HMGCLL1: variants seen among roughly 807,000 people sequenced by gnomAD.
HMGCLL1 encodes 3-hydroxy-3-methylglutaryl-CoA lyase like 1.
A neutral mutation model predicts 39.1 loss-of-function variants in HMGCLL1; 36 were observed. The observed-to-expected ratio is 0.92, with a 90% CI of 0.71 to 1.22. The LOEUF (loss-of-function observed/expected upper bound fraction) is 1.22, where lower values mean the gene tolerates loss of function less well. HMGCLL1 is among the 50% of genes most tolerant of loss of function. The pLI is 0.00. For missense variants in HMGCLL1, 451 were observed against 416.5 expected (o/e 1.08, Z -0.72); for synonymous variants, 149 against 144.0 (o/e 1.03, Z -0.25).
At chr6:55,541,864 T>G (rs1769458534) in intron 2 of HMGCLL1, 28 bp from the exon 3 acceptor site, 1 of 1,291,474 alleles carries the variant, frequency 7.7e-7, no homozygotes, top group Non-Finnish European at 1.1e-6. Flanking sequence ...ATTTTATAAG[T>G]AAATTGTATA....
upstream of HMGCLL1, among the ~76,000 whole-genome samples, chr6:55,581,725 T>C (rs1771990296): frequency 1.3e-5 from 2 of 152,154 alleles, no homozygotes; most frequent in Non-Finnish European, 2.9e-5. Context: ...AAGAAACCAG[T>C]TGTTAAAAAC....
intron 1 of HMGCLL1, among the ~76,000 whole-genome samples, chr6:55,542,417 C>T (rs1341865420): frequency 6.6e-6 from 1 of 151,674 alleles, no homozygotes; most frequent in Non-Finnish European, 1.5e-5. Flanking sequence ...TTACTCAGGA[C>T]CTAAAGATCA....
At chr6:55,606,797 C>T in the HMGCLL1 span, among the ~76,000 whole-genome samples, 2 of 151,910 alleles carry the variant, frequency 1.3e-5, no homozygotes, top group South Asian at 2.1e-4. Context: ...TTGGGTGAGG[C>T]GATTATCCTG....
At chr6:55,599,784 A>C in the HMGCLL1 span, among the ~76,000 whole-genome samples, 1 of 152,204 alleles carries the variant, frequency 6.6e-6, no homozygotes, top group Non-Finnish European at 1.5e-5. Flanking sequence ...AAGAAACAAT[A>C]GAAAATTTTG....
chr6:55,460,159 T>C (rs970895596), intron 7 of HMGCLL1, among the ~76,000 whole-genome samples: 9 of 151,970 alleles, frequency 5.9e-5, no homozygotes, highest in African/African-American at 1.7e-4. Context: ...CTCTGTAATA[T>C]ATAGCTGTGT....
intron 3 of HMGCLL1, among the ~76,000 whole-genome samples, chr6:55,522,373 A>G (rs913987227): frequency 5.9e-5 from 9 of 151,990 alleles, no homozygotes; most frequent in African/African-American, 2.2e-4. Flanking sequence ...AATACCTATC[A>G]CCCTTTACTT....
rs531671022 is a variant in HMGCLL1 at position 55,496,116 on chromosome 6, A to T, written c.607-509T>A. 2.6e-5 allele frequency among the ~76,000 whole-genome samples: 4 copies of T among 152,236 alleles called. No individual in the cohort carries two copies. The South Asian group carries it at 8.3e-4, about 32-fold the overall frequency. On this transcript the variant is annotated intron_variant, in intron 6 of 8. Transcript: ENST00000274901. ...ACACAAGTTTGAACTCTATGGATCC[A>T]CTTGTACGTGATTTTTTAAAAAATA... is the stretch of plus-strand genomic sequence containing the variant.
At chr6:55,654,384 T>A in the HMGCLL1 span, among the ~76,000 whole-genome samples, 1 of 151,450 alleles carries the variant, frequency 6.6e-6, no homozygotes, top group Non-Finnish European at 1.5e-5. Flanking sequence ...ATTGACTCAA[T>A]AAGGACTTGA....
At chr6:55,666,117 G>A in the HMGCLL1 span, among the ~76,000 whole-genome samples, 2 of 151,618 alleles carry the variant, frequency 1.3e-5, no homozygotes, top group Admixed American at 1.3e-4. Flanking sequence ...CTACAGGAAT[G>A]TACTTCTATA....
At chr6:55,496,938 T>G (rs1766612180) in intron 6 of HMGCLL1, among the ~76,000 whole-genome samples, 1 of 152,132 alleles carries the variant, frequency 6.6e-6, no homozygotes, top group South Asian at 2.1e-4. Flanking sequence ...GTCCCTAACC[T>G]CCAAATTGTT....
intron 7 of HMGCLL1, among the ~76,000 whole-genome samples, chr6:55,454,987 G>A (rs115071697): frequency 0.024 from 3,475 of 144,052 alleles, 124 homozygotes; most frequent in African/African-American, 0.088. Flanking sequence ...GCTCAGGTCT[G>A]TGTTCCCAGC....
In HMGCLL1 at chr6:55,467,783, C is replaced by T. The variant is rs150228846; in HGVS notation, c.795+27636G>A. On this transcript the variant is annotated intron_variant, in intron 7 of 8. Coordinates refer to ENST00000274901, the MANE Select transcript of HMGCLL1 (RefSeq NM_001042406.2). ...TAAAGCATATGCTACATGCTAGGCCCGGTGGTAGAGGCTACGATCAACTGT... is the reference window on the plus strand; with the variant it reads ...TAAAGCATATGCTACATGCTAGGCCTGGTGGTAGAGGCTACGATCAACTGT... 7.2e-3 allele frequency among the ~76,000 whole-genome samples: 1,099 copies of T among 151,972 alleles called. 7 individuals carry two copies. Among genetic ancestry groups the T allele is most frequent in the African/African-American group, 0.019 (789 of 41,460 alleles).
the HMGCLL1 span, among the ~76,000 whole-genome samples, chr6:55,664,509 T>C: frequency 6.6e-6 from 1 of 151,766 alleles, no homozygotes; most frequent in Admixed American, 6.6e-5. Flanking sequence ...TGTGCCTTAG[T>C]AAAAATGTTA....
At chr6:55,546,792 C>T (rs1019547167) in intron 1 of HMGCLL1, among the ~76,000 whole-genome samples, 2 of 152,008 alleles carry the variant, frequency 1.3e-5, no homozygotes, top group African/African-American at 4.8e-5. Context: ...ATTTAATGTC[C>T]TACATTACAG....
rs1763311308 is a variant in HMGCLL1, at chr6:55,434,955, C to T, written c.*707G>A. The T allele has an allele frequency of 6.6e-6, 1 of 152,348 alleles. No homozygotes were observed. 9.4% of individuals were successfully genotyped at this position (152,348 alleles called of 1,614,324 possible). A position where few individuals can be genotyped will look rare whatever the true frequency, so the allele number is the denominator to read the frequency against. ...ACAATTTCTCAATAGTTGAGTAACA[C>T]CATGCTGGTTTTTACTATAACTGAT... On this transcript the variant is annotated 3_prime_UTR_variant, in exon 9 of 9. Transcript: ENST00000274901.
chr6:55,517,428 A>C (rs1319465693), intron 3 of HMGCLL1, among the ~76,000 whole-genome samples: 1 of 152,064 alleles, frequency 6.6e-6, no homozygotes, highest in East Asian at 1.9e-4. Flanking sequence ...ATGAACAATA[A>C]ATATGAAGAA....
chr6:55,619,259 T>C, the HMGCLL1 span, among the ~76,000 whole-genome samples: 1 of 152,070 alleles, frequency 6.6e-6, no homozygotes, highest in Non-Finnish European at 1.5e-5. Flanking sequence ...TGAATACATG[T>C]GAAATTGTAG....
At chr6:55,449,939 TAGTC>T (rs890594701) in intron 7 of HMGCLL1, among the ~76,000 whole-genome samples, 2 of 145,704 alleles carry the variant, frequency 1.4e-5, no homozygotes, top group African/African-American at 5.2e-5. Context: ...TTACTTTAGT[TAGTC>T]AGTTATCTCT....
the HMGCLL1 span, among the ~76,000 whole-genome samples, chr6:55,645,034 G>T: frequency 1.3e-5 from 2 of 151,912 alleles, no homozygotes; most frequent in Admixed American, 6.6e-5. Flanking sequence ...CATGAACATG[G>T]AATATCTTTC....
Sources: gnomAD v4.1 joint callset for allele counts (sites outside exome capture counted in the v4.1 genomes callset) on GRCh38, gnomAD v4.1.1 for gene constraint, MANE v1.5 for transcripts, NCBI Gene and HGNC (gene_info 2026-07-23, HGNC 2026-07-21) for gene names.